GBP6: variants seen among roughly 807,000 people sequenced by gnomAD.
GBP6 encodes guanylate binding protein family member 6.
GBP6 carries 54 observed loss-of-function variants against 61.5 expected under a neutral mutation model. The observed-to-expected ratio is 0.88, with a 90% CI of 0.71 to 1.10. The LOEUF (loss-of-function observed/expected upper bound fraction) is 1.10, where lower values mean the gene tolerates loss of function less well. Among genes scored for constraint, GBP6 ranks in the 50% least tolerant of loss-of-function variants. GBP6 has a pLI of 0.00. For synonymous variants in GBP6, 255 were observed against 273.7 expected (o/e 0.93, Z 0.67); for missense variants, 748 against 752.8 (o/e 0.99, Z 0.07).
chr1:89,379,327 C>A (rs2100669685), intron 5 of GBP6, among the ~76,000 whole-genome samples: 1 of 105,634 alleles, frequency 9.5e-6, no homozygotes, highest in East Asian at 2.6e-4. Flanking sequence ...ACACCTCCCA[C>A]TAGGCCCACC....
At chr1:89,366,277 C>T (rs1379416357) in intron 1 of GBP6, among the ~76,000 whole-genome samples, 1 of 151,902 alleles carries the variant, frequency 6.6e-6, no homozygotes, top group African/African-American at 2.4e-5. Context: ...TTTTCTTATT[C>T]TTGTCTGTGG....
rs1347939577 is a variant in GBP6 at position 89,386,817 on chromosome 1, A to C, written c.*1348A>C. ...GATAGAAAGGACAATGTGCCTTTCC[A>C]GAACTGAACCCCCTGATGGGGGATG... On this transcript the variant is annotated 3_prime_UTR_variant, in exon 11 of 11. Transcript: ENST00000370456. Among the ~76,000 whole-genome samples, 1 of 152,224 alleles carries C rather than the reference A, an allele frequency of 6.6e-6. No individual in the cohort carries two copies. The highest frequency in any genetic ancestry group is 1.5e-5 in the Non-Finnish European group (1 of 68,038).
At chr1:89,369,142 G>GT (rs979872601) in intron 2 of GBP6, among the ~76,000 whole-genome samples, 5 of 152,108 alleles carry the variant, frequency 3.3e-5, no homozygotes, top group Admixed American at 1.3e-4. Flanking sequence ...CTTCTGTTTT[G>GT]TTTTTGTGTT....
intron 1 of GBP6, among the ~76,000 whole-genome samples, chr1:89,365,711 CT>C (rs770264272): frequency 6.6e-6 from 1 of 152,176 alleles, no homozygotes; most frequent in South Asian, 2.1e-4. Flanking sequence ...AAGATATAAA[CT>C]TATAATGTCT....
chr1:89,374,818 T>C lies in GBP6; in HGVS notation c.319-3285T>C, dbSNP rs536936341. 3.3e-5 allele frequency among the ~76,000 whole-genome samples: 5 copies of C among 152,298 alleles called. No individual in the cohort carries two copies. The East Asian group carries it at 5.8e-4, about 18-fold the overall frequency. On this transcript the variant is annotated intron_variant, in intron 3 of 10. Transcript: ENST00000370456. ...GTGCAAGATGTGCAGGTTTGTTACA[T>C]AGATAAACATATGTCATGGGGGTTG...
chr1:89,370,146 C>G (rs558292614), intron 3 of GBP6, among the ~76,000 whole-genome samples: 35 of 152,348 alleles, frequency 2.3e-4, no homozygotes, highest in South Asian at 1.0e-3. Context: ...AGGCCTTCAT[C>G]CCTGGTGCTG....
At chr1:89,364,626 C>CGTGTGT (rs138686874) in intron 1 of GBP6, among the ~76,000 whole-genome samples, 2 of 107,596 alleles carry the variant, frequency 1.9e-5, no homozygotes, top group East Asian at 3.1e-4. Flanking sequence ...TCTGTGTGTG[C>CGTGTGT]GTGTGTGTGT....
At chr1:89,378,704 G>A in intron 5 of GBP6, 91 bp downstream of exon 5, 1 of 1,036,534 alleles carries the variant, frequency 9.6e-7, no homozygotes, top group Non-Finnish European at 1.4e-6. Context: ...ATTTGTATTT[G>A]AGACTAGATT....
intron 1 of GBP6, among the ~76,000 whole-genome samples, chr1:89,367,259 T>G (rs1199062007): frequency 6.6e-6 from 1 of 152,218 alleles, no homozygotes; most frequent in Non-Finnish European, 1.5e-5. Flanking sequence ...AGTACCAGTT[T>G]GCATTCCATG....
At chr1:89,373,779 T>A (rs932454381) in intron 3 of GBP6, among the ~76,000 whole-genome samples, 2 of 151,846 alleles carry the variant, frequency 1.3e-5, no homozygotes, top group Non-Finnish European at 2.9e-5. Flanking sequence ...CAAACCTGCA[T>A]GTTGTGCACA....
At chr1:89,372,384 G>A (rs1652668589) in intron 3 of GBP6, among the ~76,000 whole-genome samples, 1 of 152,182 alleles carries the variant, frequency 6.6e-6, no homozygotes, top group South Asian at 2.1e-4. Flanking sequence ...GAACAAAGTT[G>A]GAGGCATCAT....
chr1:89,376,452 C>T (rs1652810995), intron 3 of GBP6, among the ~76,000 whole-genome samples: 1 of 152,136 alleles, frequency 6.6e-6, no homozygotes, highest in African/African-American at 2.4e-5. Flanking sequence ...TTCCCAGCAC[C>T]ATTTATTGAG....
intron 3 of GBP6, among the ~76,000 whole-genome samples, chr1:89,371,134 G>A (rs1328559316): frequency 3.9e-5 from 6 of 152,094 alleles, no homozygotes; most frequent in South Asian, 2.1e-4. Flanking sequence ...TTAGCATAAC[G>A]ACCTCAGTGT....
chr1:89,374,709 C>T (rs1652756546), intron 3 of GBP6, among the ~76,000 whole-genome samples: 1 of 152,058 alleles, frequency 6.6e-6, no homozygotes, highest in Admixed American at 6.6e-5. Context: ...TACATATTAG[C>T]CATTTGTACG....
At chr1:89,368,812 C>G in intron 2 of GBP6, 71 bp downstream of exon 2, 1 of 1,415,374 alleles carries the variant, frequency 7.1e-7, no homozygotes, top group Non-Finnish European at 9.7e-7. Flanking sequence ...ATTCTCTACC[C>G]CAGAGCACAT....
intron 5 of GBP6, among the ~76,000 whole-genome samples, chr1:89,379,789 T>C (rs890915634): frequency 1.3e-5 from 2 of 152,240 alleles, no homozygotes; most frequent in Non-Finnish European, 2.9e-5. Flanking sequence ...AGAGCAATAC[T>C]GTCAAATCGA....
Position 89,377,349 on chromosome 1 carries a change from T to C in GBP6, c.319-754T>C, listed in dbSNP as rs537705580. Among the ~76,000 whole-genome samples, 8 of 152,310 alleles carry C rather than the reference T, an allele frequency of 5.3e-5. 1 individual carries two copies. In the East Asian group the frequency reaches 1.5e-3, roughly 29 times the overall value. On this transcript the variant is annotated intron_variant, in intron 3 of 10. Coordinates refer to ENST00000370456, the MANE Select transcript of GBP6 (RefSeq NM_198460.3). ...CAATCTCTAATTTTGTTTCTGTGGGTCTTTCTACTTGCAGAATCACCTTCA... is the reference window on the plus strand; with the variant it reads ...CAATCTCTAATTTTGTTTCTGTGGGCCTTTCTACTTGCAGAATCACCTTCA...
rs1653106542 is a variant in GBP6, at chr1:89,385,342, G to C, written c.1775G>C (p.Trp592Ser). Residue 592 changes from tryptophan to serine, a missense_variant, in exon 11 of 11, where the codon TGG (tryptophan) becomes TCG (serine). Coordinates refer to ENST00000370456, the MANE Select transcript of GBP6 (RefSeq NM_198460.3). ...ACTACAAAAAATGATGATACTCCCT[G>C]GATTGCACGAACCTTGGACAACCTT... Reference protein sequence around the residue: ...IDTTKNDDTPWIARTLDNLAD... With the variant: ...IDTTKNDDTPSIARTLDNLAD... 6.2e-7 allele frequency: 1 copy of C among 1,614,010 alleles called. No homozygotes were observed. Among genetic ancestry groups the C allele is most frequent in the African/African-American group, 1.3e-5 (1 of 74,894 alleles).
Position 89,386,715 on chromosome 1 carries a change from A to G in GBP6, c.*1246A>G, listed in dbSNP as rs113504501. ...TTTTAAGGTGTTAGAAGCATAAATT[A>G]CCAAACATTAAGATTAAGCACTGAT... On this transcript the variant is annotated 3_prime_UTR_variant, in exon 11 of 11. Coordinates refer to ENST00000370456, the MANE Select transcript of GBP6 (RefSeq NM_198460.3). Among the ~76,000 whole-genome samples the G allele has an allele frequency of 5.9e-5, 9 of 152,338 alleles. 2 individuals carry two copies. The highest frequency in any genetic ancestry group is 2.2e-4 in the African/African-American group (9 of 41,572).
Sources: gnomAD v4.1 joint callset for allele counts (sites outside exome capture counted in the v4.1 genomes callset) on GRCh38, gnomAD v4.1.1 for gene constraint, MANE v1.5 for transcripts, NCBI Gene and HGNC (gene_info 2026-07-23, HGNC 2026-07-21) for gene names.